The following HARBI1 variants were observed in gnomAD, a reference collection of about 807,000 sequenced individuals.
HARBI1 encodes the protein putative nuclease HARBI1.
In HARBI1, 15 loss-of-function variants were observed where a neutral mutation model predicts 25.3. That is an observed-to-expected ratio of 0.59 (90% CI 0.40 to 0.91). The LOEUF is 0.91. Among genes scored for constraint, HARBI1 ranks in the 40% least tolerant of loss-of-function variants. HARBI1 has a pLI of 0.00. For missense variants in HARBI1, 396 were observed against 445.8 expected (o/e 0.89, Z 1.01); for synonymous variants, 168 against 160.5 (o/e 1.05, Z -0.35).
At chr11:46,604,578 G>A (rs1420018512) in intron 2 of HARBI1, 4 of 985,236 alleles carry the variant, frequency 4.1e-6, no homozygotes, top group East Asian at 1.1e-4. Context: ...CTTGTGAGGG[G>A]AAGTCTTAAC....
chr11:46,610,346 AAT>A lies in HARBI1; in HGVS notation c.670+5220_670+5221del, dbSNP rs111841155. Reference sequence around the variant, plus strand: ...AAAATACATGTGTGTGTATGTATATAATATATATATATATATATAAAATAATA... The same window carrying A: ...AAAATACATGTGTGTGTATGTATATAATATATATATATATATAAAATAATA... On this transcript the variant is annotated intron_variant, in intron 2 of 2. Coordinates refer to ENST00000326737, the MANE Select transcript of HARBI1 (RefSeq NM_173811.4). Among the ~76,000 whole-genome samples, 739 of 144,704 alleles carry A rather than the reference AAT, an allele frequency of 5.1e-3. 2 individuals carry two copies. The highest frequency in any genetic ancestry group is 7.6e-3 in the Admixed American group (109 of 14,322). The allele number at this position is 144,704 out of a possible 152,430, so 94.9% of individuals were successfully genotyped here.
chr11:46,610,455 T>C (rs1369304481), intron 2 of HARBI1, among the ~76,000 whole-genome samples: 1 of 151,598 alleles, frequency 6.6e-6, no homozygotes. Context: ...GGTCAGGAGA[T>C]GGAGGCCATC....
intron 2 of HARBI1, among the ~76,000 whole-genome samples, chr11:46,610,501 A>G (rs2045136040): frequency 6.6e-6 from 1 of 151,926 alleles, no homozygotes; most frequent in South Asian, 2.1e-4. Flanking sequence ...TCTACTAAAA[A>G]TACAAAAAAT....
At chr11:46,607,346 A>C (rs573366120) in intron 2 of HARBI1, among the ~76,000 whole-genome samples, 1 of 152,286 alleles carries the variant, frequency 6.6e-6, no homozygotes, top group African/African-American at 2.4e-5. Flanking sequence ...TCAAATGAGA[A>C]GATCAAAGTA....
chr11:46,616,102 T>C lies in HARBI1; in HGVS notation c.136A>G (p.Ile46Val). The C allele has an allele frequency of 6.2e-7, 1 of 1,614,050 alleles. No homozygotes were observed. Among genetic ancestry groups the C allele is most frequent in the Non-Finnish European group, 8.5e-7 (1 of 1,180,004 alleles). ...CCCAAGAGCTCCACCAAGTAATAAA[T>C]GAACTGCCGTGGAAACCCATACATG... ...MSMYGFPRQF[I>V]YYLVELLGAN... Residue 46 changes from isoleucine to valine, a missense_variant, in exon 2 of 3, where the codon ATT becomes GTT. Ile to Val is a conservative substitution (Grantham distance 29). Coordinates refer to ENST00000326737, the MANE Select transcript of HARBI1 (RefSeq NM_173811.4).
rs902912550 is a variant in HARBI1 at position 46,616,538 on chromosome 11, C to A, written c.-144-157G>T. 184 of 1,159,794 alleles carry A rather than the reference C, an allele frequency of 1.6e-4. 2 individuals carry two copies. The highest frequency in any genetic ancestry group is 2.0e-5 in the Non-Finnish European group (19 of 939,112). 71.8% of individuals were successfully genotyped at this position (1,159,794 alleles called of 1,614,324 possible). A position where few individuals can be genotyped will look rare whatever the true frequency, so the allele number is the denominator to read the frequency against. ...TTTTCTCCACTAACTCATGGCTGCA[C>A]GACAGGCTTGCTCTGATTCAAGGAT... On this transcript the variant is annotated intron_variant, in intron 1 of 2. Coordinates refer to ENST00000326737, the MANE Select transcript of HARBI1 (RefSeq NM_173811.4).
In HARBI1 at chr11:46,603,619, G is replaced by C; in HGVS notation, c.961C>G (p.Pro321Ala). The change falls in exon 3 of 3, where the codon CCC becomes GCC. Residue 321 changes from proline (P) to alanine (A), a missense_variant. By Grantham distance (27) the Pro-to-Ala change is conservative (BLOSUM62 -1). Transcript: ENST00000326737. ...SSPMTGPMEQ[P>A]PEEEYEHMES... ...ATGTGCTCATACTCCTCTTCCGGGG[G>C]CTGTTCCATGGGTCCTGTCATTGGA... 1 of 1,614,186 alleles carries C rather than the reference G, an allele frequency of 6.2e-7. No homozygotes were observed. Among genetic ancestry groups the C allele is most frequent in the Non-Finnish European group, 8.5e-7 (1 of 1,180,018 alleles).
At chr11:46,608,544 A>C (rs1387696967) in intron 2 of HARBI1, among the ~76,000 whole-genome samples, 3 of 152,110 alleles carry the variant, frequency 2.0e-5, no homozygotes, top group Admixed American at 2.0e-4. Flanking sequence ...TCCTAGGCTC[A>C]AGTGATCCTC....
chr11:46,612,968 G>A (rs2045240987), intron 2 of HARBI1, among the ~76,000 whole-genome samples: 1 of 125,122 alleles, frequency 8.0e-6, no homozygotes, highest in Non-Finnish European at 1.6e-5. Context: ...CACCACACCC[G>A]GATTTTTTTT....
chr11:46,617,754 G>T, upstream of HARBI1: 1 of 398,890 alleles, frequency 2.5e-6, no homozygotes, highest in South Asian at 1.3e-4. Context: ...TGAAGCCTTA[G>T]GTGTCTATCG....
rs148818947 is a variant in HARBI1, at chr11:46,613,473, T to C, written c.670+2095A>G. Among the ~76,000 whole-genome samples, 650 of 150,844 alleles carry C rather than the reference T, an allele frequency of 4.3e-3. 6 individuals are homozygous for C. The highest frequency in any genetic ancestry group is 0.015 in the African/African-American group (621 of 40,968). On this transcript the variant is annotated intron_variant, in intron 2 of 2. Transcript: ENST00000326737. ...CAATTCTGGACAGTCCTGATAAGTA[T>C]GTTGGCTTTTTTTTTTTTTTTTTTT...
In HARBI1 at chr11:46,617,148, G is replaced by T; in HGVS notation, c.-169C>A. On this transcript the variant is annotated 5_prime_UTR_variant, in exon 1 of 3. It adds an upstream start codon to the 5' untranslated region. Transcript: ENST00000326737. ...CCTCTCCGCGGCTGCCAGGTTACCA[G>T]CCACACTTCCCACCCACCCAGCCGG... 6.4e-6 allele frequency: 2 copies of T among 314,506 alleles called. No individual in the cohort carries two copies. Among genetic ancestry groups the T allele is most frequent in the Non-Finnish European group, 9.2e-6 (2 of 216,572 alleles). 19.5% of individuals were successfully genotyped at this position (314,506 alleles called of 1,614,324 possible).
At position 46,603,888 on chromosome 11, in the gene HARBI1, C is replaced by T. The variant is rs768834410; in HGVS notation, c.692G>A (p.Arg231Gln). The T allele has an allele frequency of 8.1e-5, 130 of 1,610,828 alleles. No homozygotes were observed. The highest frequency in any genetic ancestry group is 1.1e-4 in the Non-Finnish European group (125 of 1,178,124). The change falls in exon 3 of 3, where the codon CGA becomes CAA. Residue 231 changes from arginine to glutamine, a missense_variant. By Grantham distance (43) the Arg-to-Gln change is conservative. Coordinates refer to ENST00000326737, the MANE Select transcript of HARBI1 (RefSeq NM_173811.4). Reference sequence around the variant, plus strand: ...GTGAAGTGGGGTCATGAGCCAGGTTCGAAGAAAGAAGGAACTGTCACCTGT... The same window carrying T: ...GTGAAGTGGGGTCATGAGCCAGGTTTGAAGAAAGAAGGAACTGTCACCTGT... ...WLLGDSSFFL[R>Q]TWLMTPLHIP...
intron 2 of HARBI1, among the ~76,000 whole-genome samples, chr11:46,605,213 G>A (rs1234852644): frequency 6.6e-6 from 1 of 152,058 alleles, no homozygotes; most frequent in African/African-American, 2.4e-5. Context: ...TCTTTTAGGC[G>A]CTTACATTTA....
At chr11:46,617,263 G>C (rs1014985113), upstream of HARBI1, 2 of 152,984 alleles carry the variant, frequency 1.3e-5, no homozygotes, top group African/African-American at 4.8e-5. Context: ...CGCCCGCCCC[G>C]CGCCGCGCCC....
At chr11:46,616,962 C>T in intron 1 of HARBI1, 162 bp downstream of exon 1, 1 of 985,026 alleles carries the variant, frequency 1.0e-6, no homozygotes, top group Non-Finnish European at 1.2e-6. Context: ...ACCTGAGGGC[C>T]AGGAAGTACG....
intron 2 of HARBI1, among the ~76,000 whole-genome samples, chr11:46,605,652 A>G (rs1170422808): frequency 1.3e-4 from 18 of 136,020 alleles, no homozygotes; most frequent in African/African-American, 4.9e-4. Flanking sequence ...CAGTGGTGCA[A>G]TCTCAGCTCA....
rs1203670112 is a variant in HARBI1, at chr11:46,612,759, C to T, written c.670+2809G>A. On this transcript the variant is annotated intron_variant, in intron 2 of 2. Coordinates refer to ENST00000326737, the MANE Select transcript of HARBI1 (RefSeq NM_173811.4). ...GATCTCGACTCACTGCAACCTCTGC[C>T]TCCCGGGTTCAAGCAATTCGCCTGC... Among the ~76,000 whole-genome samples the T allele has an allele frequency of 2.6e-5, 4 of 151,470 alleles. No individual in the cohort carries two copies. The South Asian group carries it at 6.2e-4, about 24-fold the overall frequency.
intron 2 of HARBI1, 128 bp from the exon 3 acceptor site, chr11:46,604,037 A>G (rs1473296974): frequency 3.5e-6 from 5 of 1,413,444 alleles, no homozygotes; most frequent in African/African-American, 2.9e-5. Context: ...AGCACACTAG[A>G]AAAACCAAGC....
Sources: gnomAD v4.1 joint callset for allele counts (sites outside exome capture counted in the v4.1 genomes callset) on GRCh38, gnomAD v4.1.1 for gene constraint, MANE v1.5 for transcripts, NCBI Gene and HGNC (gene_info 2026-07-23, HGNC 2026-07-21) for gene names.